MGAT5B: variants seen among roughly 807,000 people sequenced by gnomAD.
MGAT5B encodes the protein N-acetylglucosaminyl-transferase Vb.
Under a neutral mutation model 95.1 loss-of-function variants are expected in MGAT5B, and 54 were observed. The ratio of observed to expected loss-of-function variants is 0.57; its 90% CI spans 0.46 to 0.71. The LOEUF is 0.71. Among genes scored for constraint, MGAT5B ranks in the 30% least tolerant of loss-of-function variants. The pLI, the probability that MGAT5B is intolerant of heterozygous loss-of-function variation, is 0.00. For missense variants in MGAT5B, 935 were observed against 1,088.6 expected, an observed-to-expected ratio of 0.86 and a Z score of 1.99; for synonymous variants, 464 against 451.0, an observed-to-expected ratio of 1.03 and a Z score of -0.36.
At chr17:76,913,252 G>A (rs962121649) in intron 8 of MGAT5B, among the ~76,000 whole-genome samples, 18 of 152,276 alleles carry the variant, frequency 1.2e-4, no homozygotes, top group Admixed American at 4.6e-4. Context: ...GCTTCCTCCC[G>A]CACAATCCAC....
rs770762735 is a variant in MGAT5B at position 76,940,177 on chromosome 17, A to G, written c.1585-225A>G. 1.4e-4 allele frequency among the ~76,000 whole-genome samples: 22 copies of G among 152,296 alleles called. No homozygotes were observed. Among genetic ancestry groups the G allele is most frequent in the Admixed American group, 5.2e-4 (8 of 15,296 alleles). ...ACCCCCTTATTTCACAAATGGGGAA[A>G]CTGAGGCCCAGAGAGGGGAAGTGCT... On this transcript the variant is annotated intron_variant, in intron 13 of 17. Transcript: ENST00000569840. This position sits in a 1 kb window ranked among gnomAD's most constrained non-coding sequence, Gnocchi z 4.3.
chr17:76,877,190 G>A (rs1967222993), intron 2 of MGAT5B, among the ~76,000 whole-genome samples: 2 of 152,072 alleles, frequency 1.3e-5, no homozygotes, highest in African/African-American at 4.8e-5. Context: ...GCAGGGTGTG[G>A]TGGCACGTGC....
rs1295080799 is a variant in MGAT5B at position 76,869,943 on chromosome 17, G to T, written c.68+846G>T. Among the ~76,000 whole-genome samples, 1 of 152,180 alleles carries T rather than the reference G, an allele frequency of 6.6e-6. No individual in the cohort carries two copies. On this transcript the variant is annotated intron_variant, in intron 1 of 17. Transcript: ENST00000569840. The surrounding 1 kb of genome is among the most constrained non-coding windows in gnomAD (Gnocchi z 7.0). ...CATCCGCGGAACCGGCCCGCAGCGG[G>T]GTGGGGAGGGGGCGCTGCCCAGTGG...
chr17:76,905,794 C>T lies in MGAT5B; in HGVS notation c.856-224C>T, dbSNP rs1402921562. Among the ~76,000 whole-genome samples the T allele has an allele frequency of 6.6e-6, 1 of 152,110 alleles. No homozygotes were observed. The highest frequency in any genetic ancestry group is 2.4e-5 in the African/African-American group (1 of 41,412). ...CTTGTCTGTGTTCACTGTTGTCTAC[C>T]TCTTCCATCTGGAACATTAGCTCCA... On this transcript the variant is annotated intron_variant, in intron 7 of 17. Transcript: ENST00000569840. This position sits in a 1 kb window ranked among gnomAD's most constrained non-coding sequence, Gnocchi z 4.2.
At chr17:76,910,702 T>C (rs529056752) in intron 8 of MGAT5B, among the ~76,000 whole-genome samples, 8 of 152,338 alleles carry the variant, frequency 5.3e-5, no homozygotes, top group Admixed American at 1.3e-4. Context: ...CTCCACTTCC[T>C]CTCAAGCTCT....
chr17:76,948,895 A>G lies in MGAT5B; in HGVS notation c.*57A>G. On this transcript the variant is annotated 3_prime_UTR_variant, in exon 18 of 18. Transcript: ENST00000569840. ...GCTGGCTCTCTCCTGCCGCGGGAGA[A>G]AGCACCAGCAGGTTCTGAGCCCTGG... 6.7e-7 allele frequency: 1 copy of G among 1,493,788 alleles called. No individual in the cohort carries two copies. Among genetic ancestry groups the G allele is most frequent in the Non-Finnish European group, 9.0e-7 (1 of 1,113,110 alleles). 92.5% of individuals were successfully genotyped at this position (1,493,788 alleles called of 1,614,324 possible). A position where few individuals can be genotyped will look rare whatever the true frequency, so the allele number is the denominator to read the frequency against.
At position 76,947,916 on chromosome 17, in the gene MGAT5B, C is replaced by T. The variant is rs372447392; in HGVS notation, c.2010C>T (p.Leu670=). The T allele has an allele frequency of 2.4e-5, 38 of 1,613,120 alleles. No homozygotes were observed. The highest frequency in any genetic ancestry group is 2.5e-5 in the Non-Finnish European group (29 of 1,179,498). ...PFVLAPNATH[L]EWARNTSLAP... is the part of the protein sequence containing the mutation. ...TCCTGGCCCCCAATGCCACCCACCTCGAGTGGGCTCGGAACACCAGCTTGG... is the reference window on the plus strand; with the variant it reads ...TCCTGGCCCCCAATGCCACCCACCTTGAGTGGGCTCGGAACACCAGCTTGG... The change falls in exon 17 of 18, where the codon CTC becomes CTT. Residue 670 remains leucine, a synonymous_variant. Coordinates refer to ENST00000569840, the MANE Select transcript of MGAT5B (RefSeq NM_001199172.2).
intron 10 of MGAT5B, among the ~76,000 whole-genome samples, chr17:76,928,932 C>A (rs544508648): frequency 6.6e-6 from 1 of 151,724 alleles, no homozygotes; most frequent in African/African-American, 2.4e-5. Flanking sequence ...GTGGCGCGAC[C>A]TCGGCTCCCT....
At chr17:76,902,220 G>A (rs1188532540) in intron 3 of MGAT5B, among the ~76,000 whole-genome samples, 6 of 152,212 alleles carry the variant, frequency 3.9e-5, no homozygotes, top group Non-Finnish European at 1.5e-5. Context: ...AGGTGGACAT[G>A]AGGCCTGGGG....
chr17:76,872,388 T>C (rs950455741), intron 1 of MGAT5B, among the ~76,000 whole-genome samples: 4 of 152,356 alleles, frequency 2.6e-5, no homozygotes, highest in African/African-American at 7.2e-5. Context: ...TCTCAAACTT[T>C]AGCATGCAGT....
chr17:76,938,289 A>G lies in MGAT5B; in HGVS notation c.1584+146A>G. On this transcript the variant is annotated intron_variant, in intron 13 of 17. Transcript: ENST00000569840. This position sits in a 1 kb window ranked among gnomAD's most constrained non-coding sequence, Gnocchi z 4.3. The stretch of plus-strand genomic sequence containing the variant: ...GCTGCCCTGAGCCCCACATCTGGCC[A>G]GAGCCCAGGGGCAGAGATGTGGGTG... 2.6e-6 allele frequency: 3 copies of G among 1,145,124 alleles called. No individual in the cohort carries two copies. The highest frequency in any genetic ancestry group is 3.7e-6 in the Non-Finnish European group (3 of 817,590). 70.9% of individuals were successfully genotyped at this position (1,145,124 alleles called of 1,614,324 possible).
In MGAT5B at chr17:76,915,446, G is replaced by T. The variant is rs1047026505; in HGVS notation, c.1025+9259G>T. ...AAGCCAGGTGGAGGCAGCGGGAGAC[G>T]CGAGGAAGTGGACAAGACCGAAAAA... On this transcript the variant is annotated intron_variant, in intron 8 of 17. Coordinates refer to ENST00000569840, the MANE Select transcript of MGAT5B (RefSeq NM_001199172.2). The surrounding 1 kb of genome is among the most constrained non-coding windows in gnomAD (Gnocchi z 8.7). Among the ~76,000 whole-genome samples, 3 of 152,014 alleles carry T rather than the reference G, an allele frequency of 2.0e-5. No individual in the cohort carries two copies. The highest frequency in any genetic ancestry group is 7.2e-5 in the African/African-American group (3 of 41,420).
chr17:76,879,392 T>C (rs1967321419), intron 2 of MGAT5B, among the ~76,000 whole-genome samples: 1 of 152,214 alleles, frequency 6.6e-6, no homozygotes, highest in Non-Finnish European at 1.5e-5. Context: ...CAGTCAGGCC[T>C]GAGTGCTCTG....
intron 11 of MGAT5B, 30 bp downstream of exon 11, chr17:76,932,805 C>G: frequency 6.2e-7 from 1 of 1,611,092 alleles, no homozygotes; most frequent in African/African-American, 1.3e-5. Flanking sequence ...GCGGGAAGCA[C>G]CAGCCTGCTC....
chr17:76,940,728 C>T lies in MGAT5B; in HGVS notation c.1732-4C>T, dbSNP rs2145277683. 2 of 1,613,862 alleles carry T rather than the reference C, an allele frequency of 1.2e-6. No individual in the cohort carries two copies. The highest frequency in any genetic ancestry group is 2.2e-5 in the South Asian group (2 of 91,074). ...GGCATCTGCAATCTCTGTACCCTTG[C>T]CAGGTGTTCTCCCAGCATCCCTACG... On this transcript the variant is annotated splice_region_variant and splice_polypyrimidine_tract_variant and intron_variant, in intron 14 of 17. Coordinates refer to ENST00000569840, the MANE Select transcript of MGAT5B (RefSeq NM_001199172.2). The surrounding 1 kb of genome is among the most constrained non-coding windows in gnomAD (Gnocchi z 4.3).
In MGAT5B at chr17:76,915,741, C is replaced by T. The variant is rs1178661179; in HGVS notation, c.1026-9225C>T. 1.3e-5 allele frequency among the ~76,000 whole-genome samples: 2 copies of T among 152,202 alleles called. No individual in the cohort carries two copies. The highest frequency in any genetic ancestry group is 4.8e-5 in the African/African-American group (2 of 41,450). The stretch of plus-strand genomic sequence containing the variant: ...TCACCCTCCCCGTTCCAAGAGGAGG[C>T]ACGAGAGGCCGACGATTACAATTCA... On this transcript the variant is annotated intron_variant, in intron 8 of 17. Coordinates refer to ENST00000569840, the MANE Select transcript of MGAT5B (RefSeq NM_001199172.2). The surrounding 1 kb of genome is among the most constrained non-coding windows in gnomAD (Gnocchi z 8.7).
rs770009748 is a variant in MGAT5B, at chr17:76,932,737, A to T, written c.1384A>T (p.Met462Leu). The T allele has an allele frequency of 2.5e-6, 4 of 1,613,782 alleles. No individual in the cohort carries two copies. The African/African-American group carries it at 4.0e-5, about 16-fold the overall frequency. The change falls in exon 11 of 18, where the codon ATG becomes TTG. Residue 462 changes from methionine (M) to leucine (L), a missense_variant. Physicochemically the swap from Met to Leu is conservative, Grantham distance 15. Coordinates refer to ENST00000569840, the MANE Select transcript of MGAT5B (RefSeq NM_001199172.2). Reference protein sequence around the residue: ...RLIKGGKASNMAVVYGKEASI... With the variant: ...RLIKGGKASNLAVVYGKEASI... ...CATCAAAGGCGGCAAGGCCAGCAAC[A>T]TGGCCGTGGTGTACGGCAAGGAGGC...
chr17:76,921,948 G>A (rs1969136822), intron 8 of MGAT5B, among the ~76,000 whole-genome samples: 1 of 152,174 alleles, frequency 6.6e-6, no homozygotes, highest in Non-Finnish European at 1.5e-5. Context: ...TCAGTAAGTT[G>A]AAAGCACATG....
chr17:76,929,654 A>C (rs999892332), intron 10 of MGAT5B, among the ~76,000 whole-genome samples: 1 of 152,178 alleles, frequency 6.6e-6, no homozygotes, highest in Non-Finnish European at 1.5e-5. Context: ...AAGTGGGGAC[A>C]AAAGGGAAGA....
Sources: allele counts gnomAD v4.1 joint callset (sites outside exome capture counted in the v4.1 genomes callset), GRCh38; gene constraint gnomAD v4.1.1; non-coding constraint Gnocchi (gnomAD v3.1); transcripts MANE v1.5; gene names NCBI Gene and HGNC (gene_info 2026-07-23, HGNC 2026-07-21).